The following ZFHX3 variants were observed in gnomAD, a reference collection of about 807,000 sequenced individuals.
ZFHX3 encodes zinc finger homeobox 3.
In ZFHX3, 42 loss-of-function variants were observed where a neutral mutation model predicts 279.1. The observed-to-expected ratio is 0.15, with a 90% CI of 0.12 to 0.19. The LOEUF is 0.19. Among genes scored for constraint, ZFHX3 ranks in the 10% least tolerant of loss-of-function variants. The pLI is 1.00. For missense variants in ZFHX3, 4,981 were observed against 4,754.0 expected (o/e 1.05, Z -1.40); for synonymous variants, 2,293 against 1,957.8 (o/e 1.17, Z -4.52).
intron 4 of ZFHX3, among the ~76,000 whole-genome samples, chr16:73,291,878 C>A (rs1165761208): frequency 2.0e-5 from 3 of 152,156 alleles, no homozygotes; most frequent in Non-Finnish European, 4.4e-5. Flanking sequence ...CTGGGAAGAA[C>A]TTCTGGGTGC....
At chr16:73,810,937 T>C (rs374284777) in intron 1 of ZFHX3, among the ~76,000 whole-genome samples, 3 of 152,246 alleles carry the variant, frequency 2.0e-5, no homozygotes, top group South Asian at 4.1e-4. Context: ...ATTGCTATAA[T>C]ACTAAATTCT....
chr16:72,929,946 G>A (rs781590269), intron 3 of ZFHX3, among the ~76,000 whole-genome samples: 18 of 152,242 alleles, frequency 1.2e-4, no homozygotes, highest in Non-Finnish European at 1.6e-4. Context: ...GGCTGGGCGC[G>A]GTGGCTCACG....
intron 2 of ZFHX3, among the ~76,000 whole-genome samples, chr16:73,646,255 G>C (rs1051666507): frequency 3.9e-5 from 6 of 152,132 alleles, no homozygotes; most frequent in Non-Finnish European, 5.9e-5. Context: ...TGCTATGATA[G>C]ATTGATACAC....
At chr16:73,773,037 G>A (rs2054036772) in intron 1 of ZFHX3, among the ~76,000 whole-genome samples, 1 of 152,216 alleles carries the variant, frequency 6.6e-6, no homozygotes, top group Non-Finnish European at 1.5e-5. Flanking sequence ...TTAGACCCAG[G>A]CTGATCAGTG....
chr16:73,294,471 G>C (rs748897334), intron 4 of ZFHX3, among the ~76,000 whole-genome samples: 1 of 152,194 alleles, frequency 6.6e-6, no homozygotes, highest in Non-Finnish European at 1.5e-5. Flanking sequence ...GCTTATTTTG[G>C]AGACAGTAGA....
At chr16:73,858,173 C>T (rs1324834694) in intron 1 of ZFHX3, among the ~76,000 whole-genome samples, 1 of 152,082 alleles carries the variant, frequency 6.6e-6, no homozygotes, top group Non-Finnish European at 1.5e-5. Flanking sequence ...ACTGCAATGC[C>T]TCTTTCCCCC....
At chr16:73,626,071 T>A (rs1417152619) in intron 2 of ZFHX3, among the ~76,000 whole-genome samples, 1 of 152,132 alleles carries the variant, frequency 6.6e-6, no homozygotes, top group Non-Finnish European at 1.5e-5. Flanking sequence ...TTAGCCAGGA[T>A]GGTCTCGATC....
chr16:73,743,952 A>T (rs970557695), intron 1 of ZFHX3, among the ~76,000 whole-genome samples: 1 of 152,268 alleles, frequency 6.6e-6, no homozygotes, highest in South Asian at 2.1e-4. Flanking sequence ...GTCATTAAGG[A>T]TCCAGAATGA....
At chr16:73,658,649 C>G (rs1597051576) in intron 2 of ZFHX3, among the ~76,000 whole-genome samples, 1 of 152,108 alleles carries the variant, frequency 6.6e-6, no homozygotes, top group Non-Finnish European at 1.5e-5. Context: ...TAGTCAGAAC[C>G]CAACTGCGTA....
intron 8 of ZFHX3, among the ~76,000 whole-genome samples, chr16:73,084,287 A>T (rs1007500448): frequency 8.5e-5 from 13 of 152,222 alleles, no homozygotes; most frequent in African/African-American, 1.4e-4. Flanking sequence ...CAAACTGGAA[A>T]GGAAGAAGTC....
intron 5 of ZFHX3, among the ~76,000 whole-genome samples, chr16:73,150,834 A>C (rs187995152): frequency 5.3e-5 from 8 of 152,312 alleles, no homozygotes; most frequent in African/African-American, 1.9e-4. Flanking sequence ...TGTCTGTTGA[A>C]CTAAGTTGAA....
intron 2 of ZFHX3, among the ~76,000 whole-genome samples, chr16:73,482,699 C>T (rs1342771907): frequency 6.6e-6 from 1 of 152,198 alleles, no homozygotes; most frequent in East Asian, 1.9e-4. Context: ...GCCATTTCTG[C>T]AATGAGGTGA....
intron 1 of ZFHX3, among the ~76,000 whole-genome samples, chr16:73,733,418 T>C (rs1252050629): frequency 6.6e-6 from 1 of 152,228 alleles, no homozygotes; most frequent in Non-Finnish European, 1.5e-5. Flanking sequence ...TTAATTTTAC[T>C]CATTTTAGGT....
chr16:73,118,605 TG>T (rs1348043645), intron 7 of ZFHX3, among the ~76,000 whole-genome samples: 1 of 152,124 alleles, frequency 6.6e-6, no homozygotes, highest in Non-Finnish European at 1.5e-5. Flanking sequence ...TTGGGTGTAT[TG>T]GGGGTAGATA....
At position 73,615,839 on chromosome 16, in the gene ZFHX3, T is replaced by C. The variant is rs919161746; in HGVS notation, c.-1547+64341A>G. Among the ~76,000 whole-genome samples the C allele has an allele frequency of 2.6e-5, 4 of 152,224 alleles. No homozygotes were observed. In the South Asian group the frequency reaches 6.2e-4, roughly 24 times the overall value. On this transcript the variant is annotated intron_variant, in intron 2 of 17. Coordinates refer to the ZFHX3 transcript ENST00000641206. Reference sequence around the variant, plus strand: ...CAAATAAAAGACACAGCGGAACAAATTGTAACCGTTCACTCCAGCTACAGT... The same window carrying C: ...CAAATAAAAGACACAGCGGAACAAACTGTAACCGTTCACTCCAGCTACAGT...
intron 7 of ZFHX3, among the ~76,000 whole-genome samples, chr16:73,100,877 G>A (rs1966222670): frequency 6.6e-6 from 1 of 152,138 alleles, no homozygotes; most frequent in Non-Finnish European, 1.5e-5. Context: ...GATTACATGG[G>A]TGAGTCACCT....
At chr16:73,019,343 CGT>C (rs112184906) in intron 1 of ZFHX3, among the ~76,000 whole-genome samples, 5,269 of 149,944 alleles carry the variant, frequency 0.035, 197 homozygotes, top group African/African-American at 0.094. Context: ...TGTGTCTGTG[CGT>C]GTGTGTGTGT....
chr16:73,325,920 C>CACAA (rs1555510199), intron 3 of ZFHX3, among the ~76,000 whole-genome samples: 44 of 71,450 alleles, frequency 6.2e-4, no homozygotes, highest in African/African-American at 1.8e-3. Context: ...CACACACACA[C>CACAA]ACACACAAAC....
intron 4 of ZFHX3, among the ~76,000 whole-genome samples, chr16:73,284,212 G>C (rs565500746): frequency 1.3e-5 from 2 of 150,202 alleles, no homozygotes; most frequent in East Asian, 4.0e-4. Context: ...AGCTACACAG[G>C]AGGCTAAGGC....
Sources: allele counts gnomAD v4.1 joint callset (sites outside exome capture counted in the v4.1 genomes callset), GRCh38; gene constraint gnomAD v4.1.1; transcripts MANE v1.5; gene names NCBI Gene and HGNC (gene_info 2026-07-23, HGNC 2026-07-21).